CDK14: variants seen among roughly 807,000 people sequenced by gnomAD.
CDK14 encodes cyclin-dependent kinase 14.
A neutral mutation model predicts 60.7 loss-of-function variants in CDK14; 34 were observed. That is an observed-to-expected ratio of 0.56 (90% CI 0.43 to 0.75). The LOEUF (loss-of-function observed/expected upper bound fraction) is 0.75, where lower values mean the gene tolerates loss of function less well. CDK14 is among the 30% of genes least tolerant of loss of function. The pLI is 0.00. For synonymous variants in CDK14, 197 were observed against 203.7 expected, an observed-to-expected ratio of 0.97 and a Z score of 0.28; for missense variants, 482 against 564.1, an observed-to-expected ratio of 0.85 and a Z score of 1.47.
At chr7:91,094,343 A>G (rs1191252256) in intron 12 of CDK14, among the ~76,000 whole-genome samples, 1 of 152,152 alleles carries the variant, frequency 6.6e-6, no homozygotes, top group Non-Finnish European at 1.5e-5. Flanking sequence ...TTGGGAAAGA[A>G]TATTGCAGTC....
chr7:90,782,686 G>C (rs1805393128), intron 4 of CDK14, among the ~76,000 whole-genome samples: 1 of 152,062 alleles, frequency 6.6e-6, no homozygotes, highest in Non-Finnish European at 1.5e-5. Flanking sequence ...AATATTTATT[G>C]AATAAGGGGT....
intron 14 of CDK14, among the ~76,000 whole-genome samples, chr7:91,121,784 T>G (rs1287363587): frequency 6.6e-6 from 1 of 152,236 alleles, no homozygotes; most frequent in Non-Finnish European, 1.5e-5. Flanking sequence ...TAACTCATTT[T>G]ATCAGCACTG....
intron 3 of CDK14, among the ~76,000 whole-genome samples, chr7:90,746,149 T>C (rs1562750209): frequency 6.6e-6 from 1 of 152,258 alleles, no homozygotes. Context: ...GGTCAGGCTT[T>C]TCTCTGAAGT....
In CDK14 at chr7:90,700,675, C is replaced by T. The variant is rs1283111161; in HGVS notation, c.124-25892C>T. On this transcript the variant is annotated intron_variant, in intron 2 of 14. Coordinates refer to ENST00000380050, the MANE Select transcript of CDK14 (RefSeq NM_001287135.2). ...TCTGTGGATATACATGCATCTCCAA[C>T]CCCCAGCATTTTACTTATTGAATTC... 2.0e-5 allele frequency among the ~76,000 whole-genome samples: 3 copies of T among 152,094 alleles called. No homozygotes were observed. In the South Asian group the frequency reaches 6.2e-4, roughly 31 times the overall value.
Position 90,649,420 on chromosome 7 carries a change from TC to T in CDK14, c.123+45173del, listed in dbSNP as rs1187878307. Among the ~76,000 whole-genome samples the T allele has an allele frequency of 1.8e-3, 194 of 109,696 alleles. 19 individuals are homozygous for T. The highest frequency in any genetic ancestry group is 6.7e-3 in the East Asian group (13 of 1,942). The allele number at this position is 109,696 out of a possible 152,430, so 72.0% of individuals were successfully genotyped here. A position where few individuals can be genotyped will look rare whatever the true frequency, so the allele number is the denominator to read the frequency against. Reference sequence around the variant, plus strand: ...TTCTTTCTTTCTTTCTTTCTTTCTTTCCTTCTTTCTTTCTCTTTCCTTCCTT... The same window carrying T: ...TTCTTTCTTTCTTTCTTTCTTTCTTTCTTCTTTCTTTCTCTTTCCTTCCTT... On this transcript the variant is annotated intron_variant, in intron 2 of 14. Transcript: ENST00000380050.
chr7:91,182,567 G>GAT (rs753674974), intron 14 of CDK14, among the ~76,000 whole-genome samples: 2 of 151,484 alleles, frequency 1.3e-5, no homozygotes, highest in South Asian at 2.1e-4. Context: ...AAAAAAATAG[G>GAT]ATATATATAT....
chr7:90,987,196 T>A (rs1223725319), intron 10 of CDK14, among the ~76,000 whole-genome samples: 1 of 151,990 alleles, frequency 6.6e-6, no homozygotes, highest in African/African-American at 2.4e-5. Flanking sequence ...TTTTTAATTT[T>A]ATGGCATTAG....
chr7:90,803,079 C>A (rs372650877), intron 5 of CDK14, among the ~76,000 whole-genome samples: 4 of 147,600 alleles, frequency 2.7e-5, no homozygotes, highest in East Asian at 2.1e-4. Context: ...TATTGGTTGG[C>A]AGTTTTGTGA....
chr7:91,186,873 TA>T (rs1281098628), intron 14 of CDK14, among the ~76,000 whole-genome samples: 1 of 152,218 alleles, frequency 6.6e-6, no homozygotes, highest in African/African-American at 2.4e-5. Flanking sequence ...GTTAGTCAGT[TA>T]TACCTTTTAA....
chr7:91,132,613 T>G (rs927354021), intron 14 of CDK14, among the ~76,000 whole-genome samples: 1 of 152,182 alleles, frequency 6.6e-6, no homozygotes, highest in Non-Finnish European at 1.5e-5. Context: ...TTTGAACTTA[T>G]TATGTTAGAT....
intron 2 of CDK14, among the ~76,000 whole-genome samples, chr7:90,621,663 T>G (rs6465274): frequency 0.42 from 46,038 of 110,540 alleles, 9,773 homozygotes; most frequent in East Asian, 0.63. Flanking sequence ...CTTCCTTCCT[T>G]CCTTCCTGCC....
At chr7:90,983,099 T>C (rs914631795) in intron 9 of CDK14, among the ~76,000 whole-genome samples, 10 of 152,194 alleles carry the variant, frequency 6.6e-5, no homozygotes, top group Non-Finnish European at 1.5e-4. Flanking sequence ...ACACTGTTCA[T>C]GAGAATGTAT....
At chr7:90,707,318 C>T (rs748648870) in intron 2 of CDK14, among the ~76,000 whole-genome samples, 5 of 152,036 alleles carry the variant, frequency 3.3e-5, no homozygotes, top group Non-Finnish European at 5.9e-5. Context: ...ACTTCATGTC[C>T]AGTCACTCAG....
chr7:91,161,039 C>A (rs1163605898), intron 14 of CDK14, among the ~76,000 whole-genome samples: 1 of 152,168 alleles, frequency 6.6e-6, no homozygotes, highest in Non-Finnish European at 1.5e-5. Flanking sequence ...ATGTGGAGAC[C>A]CACATACACC....
chr7:91,134,529 TC>T (rs1755574710), intron 14 of CDK14, among the ~76,000 whole-genome samples: 1 of 152,154 alleles, frequency 6.6e-6, no homozygotes, highest in South Asian at 2.1e-4. Flanking sequence ...TTGTTTGTAC[TC>T]TTTGTAGTGC....
At chr7:91,147,162 TCA>T (rs71107808) in intron 14 of CDK14, among the ~76,000 whole-genome samples, 16,004 of 123,362 alleles carry the variant, frequency 0.13, 1,173 homozygotes, top group East Asian at 0.28. Flanking sequence ...TCTCTCTCTC[TCA>T]CACACACACA....
chr7:90,949,761 C>T lies in CDK14; in HGVS notation c.827-5936C>T, dbSNP rs1360466180. Among the ~76,000 whole-genome samples the T allele has an allele frequency of 4.6e-5, 7 of 152,172 alleles. No individual in the cohort carries two copies. In the South Asian group the frequency reaches 1.0e-3, roughly 23 times the overall value. On this transcript the variant is annotated intron_variant, in intron 8 of 14. Coordinates refer to ENST00000380050, the MANE Select transcript of CDK14 (RefSeq NM_001287135.2). ...AAAGTAGCACTGTTGAAAGTCTGGA[C>T]AGAAACCAAAACAAAGATGTTACAT...
chr7:91,152,355 A>G (rs749097102), intron 14 of CDK14, among the ~76,000 whole-genome samples: 7 of 152,326 alleles, frequency 4.6e-5, no homozygotes, highest in Middle Eastern at 3.4e-3. Flanking sequence ...TCATTATATT[A>G]CATTTTTGGG....
Position 91,174,234 on chromosome 7 carries a change from G to A in CDK14, c.*29-32931G>A, listed in dbSNP as rs1262170732. Among the ~76,000 whole-genome samples, 3 of 151,950 alleles carry A rather than the reference G, an allele frequency of 2.0e-5. No homozygotes were observed. In the East Asian group the frequency reaches 5.8e-4, roughly 29 times the overall value. On this transcript the variant is annotated intron_variant, in intron 14 of 14. Transcript: ENST00000380050. ...CACGGCAGGGTATTCCAACAGACCT[G>A]CAGCTGAGGGTCCTCTCTGTTAGAA...
Sources: gnomAD v4.1 joint callset for allele counts (sites outside exome capture counted in the v4.1 genomes callset) on GRCh38, gnomAD v4.1.1 for gene constraint, MANE v1.5 for transcripts, NCBI Gene and HGNC (gene_info 2026-07-23, HGNC 2026-07-21) for gene names.